The following OR2L13 variants were observed in gnomAD, a reference collection of about 807,000 sequenced individuals.
OR2L13 encodes the protein olfactory receptor family 2 subfamily L member 13.
Under a neutral mutation model 15.3 loss-of-function variants are expected in OR2L13, and 14 were observed. The ratio of observed to expected loss-of-function variants is 0.91; its 90% confidence interval spans 0.60 to 1.43. The LOEUF is 1.43. Ranked by LOEUF, OR2L13 falls within the 40% of genes most tolerant of loss-of-function variation. The pLI is 0.00. For missense variants in OR2L13, 367 were observed against 387.9 expected, an observed-to-expected ratio of 0.95 and a Z score of 0.45; for synonymous variants, 152 against 142.9, an observed-to-expected ratio of 1.06 and a Z score of -0.45.
the OR2L13 span, among the ~76,000 whole-genome samples, chr1:248,009,281 T>A: frequency 6.6e-6 from 1 of 151,380 alleles, no homozygotes; most frequent in African/African-American, 2.4e-5. Context: ...ACTAGTCAGA[T>A]TAATAAAGAA....
chr1:248,013,942 T>G, the OR2L13 span, among the ~76,000 whole-genome samples: 5 of 152,128 alleles, frequency 3.3e-5, no homozygotes, highest in Admixed American at 2.0e-4. Flanking sequence ...TTCATAAATG[T>G]GTTTCCCGGA....
At chr1:247,996,273 T>C in the OR2L13 span, among the ~76,000 whole-genome samples, 1 of 151,736 alleles carries the variant, frequency 6.6e-6, no homozygotes, top group Non-Finnish European at 1.5e-5. Flanking sequence ...CCCTGCTCTT[T>C]TACAAACATT....
the OR2L13 span, among the ~76,000 whole-genome samples, chr1:247,951,874 A>T: frequency 6.6e-6 from 1 of 152,182 alleles, no homozygotes; most frequent in Admixed American, 6.5e-5. Context: ...TGCCACCTGC[A>T]CTGCTGCTTC....
At chr1:248,022,741 G>C in the OR2L13 span, 4 of 1,614,012 alleles carry the variant, frequency 2.5e-6, no homozygotes, top group South Asian at 4.4e-5. Context: ...AGATCCCTGC[G>C]ATCTCTGACA....
At chr1:247,956,002 T>A in the OR2L13 span, among the ~76,000 whole-genome samples, 107,155 of 136,836 alleles carry the variant, frequency 0.78, 46,033 homozygotes, top group Non-Finnish European at 0.95. Context: ...GGTGTTTTAG[T>A]CATGAAGTCC....
At chr1:248,035,048 C>A in the OR2L13 span, among the ~76,000 whole-genome samples, 2 of 150,074 alleles carry the variant, frequency 1.3e-5, no homozygotes, top group Non-Finnish European at 3.0e-5. Context: ...ATTTATCTTT[C>A]CCTTTTTTTT....
the OR2L13 span, chr1:248,029,235 A>G: frequency 2.0e-5 from 3 of 152,218 alleles, no homozygotes; most frequent in South Asian, 2.1e-4. Context: ...ATCAAAATAT[A>G]TATCACAATA....
the OR2L13 span, among the ~76,000 whole-genome samples, chr1:247,995,170 C>T: frequency 6.6e-6 from 1 of 152,308 alleles, no homozygotes; most frequent in East Asian, 1.9e-4. Flanking sequence ...TGCATGAATC[C>T]TCATCACTCC....
At chr1:248,022,743 T>C in the OR2L13 span, 4 of 1,614,170 alleles carry the variant, frequency 2.5e-6, no homozygotes, top group Non-Finnish European at 3.4e-6. Flanking sequence ...ATCCCTGCGA[T>C]CTCTGACAGA....
At chr1:248,093,287 C>T (rs1320893114), upstream of OR2L13, among the ~76,000 whole-genome samples, 1 of 152,078 alleles carries the variant, frequency 6.6e-6, no homozygotes, top group East Asian at 1.9e-4. Context: ...GCAAAAGGGC[C>T]ATGAGATTTG....
chr1:247,990,678 A>G, the OR2L13 span: 30 of 1,531,188 alleles, frequency 2.0e-5, no homozygotes, highest in Non-Finnish European at 2.7e-5. Flanking sequence ...GTATGAGAAA[A>G]AGAGTGTGTG....
chr1:248,054,367 G>A, the OR2L13 span, among the ~76,000 whole-genome samples: 1 of 152,102 alleles, frequency 6.6e-6, no homozygotes, highest in African/African-American at 2.4e-5. Flanking sequence ...TAGCTTTGTA[G>A]TATAGTTTGC....
chr1:248,076,943 A>C, the OR2L13 span, among the ~76,000 whole-genome samples: 1 of 152,032 alleles, frequency 6.6e-6, no homozygotes, highest in African/African-American at 2.4e-5. Flanking sequence ...GAATGCTTTC[A>C]ATTTTGCCCA....
the OR2L13 span, among the ~76,000 whole-genome samples, chr1:248,009,639 T>C: frequency 1.3e-5 from 2 of 152,008 alleles, no homozygotes; most frequent in African/African-American, 2.4e-5. Flanking sequence ...TTTCAGACAA[T>C]TGAAAAAGAG....
chr1:248,077,901 C>G, the OR2L13 span, among the ~76,000 whole-genome samples: 1 of 151,906 alleles, frequency 6.6e-6, no homozygotes, highest in Non-Finnish European at 1.5e-5. Flanking sequence ...ATGAAAATCA[C>G]AAATGTGACA....
chr1:248,063,840 C>T, the OR2L13 span, among the ~76,000 whole-genome samples: 4 of 152,112 alleles, frequency 2.6e-5, no homozygotes, highest in African/African-American at 9.7e-5. Flanking sequence ...GAAGGCCAGG[C>T]AAATTGCCCC....
At chr1:248,084,147 C>T in the OR2L13 span, 1 of 1,611,320 alleles carries the variant, frequency 6.2e-7, no homozygotes. Context: ...GTCAGCTGCA[C>T]CCAGGAGCCA....
At chr1:248,083,479 ATC>A in the OR2L13 span, 1 of 644,354 alleles carries the variant, frequency 1.6e-6, no homozygotes, top group Non-Finnish European at 2.7e-6. Context: ...CAAAAATGGT[ATC>A]TCTCAATACA....
At chr1:247,945,836 T>A in the OR2L13 span, among the ~76,000 whole-genome samples, 1 of 152,198 alleles carries the variant, frequency 6.6e-6, no homozygotes, top group Admixed American at 6.5e-5. Context: ...TTTCCTTCTT[T>A]CCATTCACTT....
Sources: gnomAD v4.1 joint callset for allele counts (sites outside exome capture counted in the v4.1 genomes callset) on GRCh38, gnomAD v4.1.1 for gene constraint, MANE v1.5 for transcripts, NCBI Gene and HGNC (gene_info 2026-07-23, HGNC 2026-07-21) for gene names.